The following IGF1 variants were observed in gnomAD, a reference collection of about 807,000 sequenced individuals.
IGF1 encodes insulin-like growth factor 1.
A neutral mutation model predicts 13.8 loss-of-function variants in IGF1; 4 were observed. That is an observed-to-expected ratio of 0.29 (90% CI 0.14 to 0.66). The LOEUF is 0.66. Ranked by LOEUF, IGF1 falls within the 30% of genes least tolerant of loss-of-function variation. The pLI is 0.78. For missense variants in IGF1, 124 were observed against 188.5 expected (o/e 0.66, Z 2.00); for synonymous variants, 76 against 72.6 (o/e 1.05, Z -0.23).
At chr12:102,450,786 A>G (rs1302096868) in intron 2 of IGF1, among the ~76,000 whole-genome samples, 1 of 152,188 alleles carries the variant, frequency 6.6e-6, no homozygotes, top group Non-Finnish European at 1.5e-5. Flanking sequence ...ATTCTTTCCA[A>G]TTTGAATAAG....
chr12:102,475,072 G>A (rs879831529), intron 2 of IGF1, among the ~76,000 whole-genome samples: 14 of 152,174 alleles, frequency 9.2e-5, no homozygotes, highest in Non-Finnish European at 7.4e-5. Flanking sequence ...TGGCATTTCA[G>A]TTTGCATTTA....
At chr12:102,402,952 T>A (rs1395919690) in intron 3 of IGF1, among the ~76,000 whole-genome samples, 4 of 152,254 alleles carry the variant, frequency 2.6e-5, no homozygotes, top group Non-Finnish European at 5.9e-5. Flanking sequence ...TCATCCTCTG[T>A]TGTTTTATTG....
chr12:102,461,642 T>G (rs1879904384), intron 2 of IGF1, among the ~76,000 whole-genome samples: 1 of 152,164 alleles, frequency 6.6e-6, no homozygotes, highest in Non-Finnish European at 1.5e-5. Context: ...TCTTAAGGAC[T>G]GGGGCTCAGT....
chr12:102,466,319 C>T (rs1234994106), intron 2 of IGF1, among the ~76,000 whole-genome samples: 1 of 152,148 alleles, frequency 6.6e-6, no homozygotes, highest in African/African-American at 2.4e-5. Flanking sequence ...TGCCTCTCTT[C>T]TGGAGACTTG....
At chr12:102,480,746 G>T, upstream of IGF1, 1 of 431,128 alleles carries the variant, frequency 2.3e-6, no homozygotes. Context: ...GAGCACAGAA[G>T]CATTTTTTTC....
chr12:102,463,909 T>A (rs1229744082), intron 2 of IGF1, among the ~76,000 whole-genome samples: 2 of 152,246 alleles, frequency 1.3e-5, no homozygotes, highest in Non-Finnish European at 2.9e-5. Context: ...TTCTGGACCT[T>A]GGTCCTTTCA....
At position 102,417,976 on chromosome 12, in the gene IGF1, T is replaced by C. The variant is rs1463044299; in HGVS notation, c.402+1533A>G. On this transcript the variant is annotated intron_variant, in intron 3 of 3. Transcript: ENST00000337514. ...CAACCTTTCCTTCTCTGAGACTTCG[T>C]GTTCTTGTTGGTAGATGGGGGCTGA... The C allele has an allele frequency of 3.1e-6, 5 of 1,612,964 alleles. No homozygotes were observed. In the East Asian group the frequency reaches 6.7e-5, roughly 22 times the overall value.
chr12:102,476,627 T>C (rs1881067155), intron 1 of IGF1, among the ~76,000 whole-genome samples: 1 of 152,200 alleles, frequency 6.6e-6, no homozygotes, highest in Admixed American at 6.5e-5. Flanking sequence ...ATCCCTTCTG[T>C]GTATAGGGCA....
At chr12:102,480,837 C>T (rs1881351883), upstream of IGF1, among the ~76,000 whole-genome samples, 1 of 152,164 alleles carries the variant, frequency 6.6e-6, no homozygotes, top group South Asian at 2.1e-4. Context: ...GATCTGTTTT[C>T]TGATTAACTT....
chr12:102,417,925 G>T (rs758224738), intron 3 of IGF1: 2 of 1,613,272 alleles, frequency 1.2e-6, no homozygotes, highest in African/African-American at 2.7e-5. Context: ...CCCTCCTTCT[G>T]TTCCCCTCCT....
At chr12:102,470,947 A>G (rs1426804009) in intron 2 of IGF1, among the ~76,000 whole-genome samples, 1 of 152,238 alleles carries the variant, frequency 6.6e-6, no homozygotes, top group East Asian at 1.9e-4. Context: ...GAGAGAATGT[A>G]AAGATGAGAA....
At chr12:102,444,193 G>A (rs1344217282) in intron 2 of IGF1, among the ~76,000 whole-genome samples, 3 of 151,950 alleles carry the variant, frequency 2.0e-5, no homozygotes, top group Non-Finnish European at 4.4e-5. Context: ...AGAGGGAGGG[G>A]GCAGAGTGAG....
chr12:102,445,916 T>A (rs180814489), intron 2 of IGF1, among the ~76,000 whole-genome samples: 53 of 152,294 alleles, frequency 3.5e-4, no homozygotes, highest in Non-Finnish European at 4.3e-4. Context: ...CATCAATACC[T>A]AGTTTATTGA....
At chr12:102,460,531 T>G (rs1353555145) in intron 2 of IGF1, among the ~76,000 whole-genome samples, 1 of 152,194 alleles carries the variant, frequency 6.6e-6, no homozygotes, top group Non-Finnish European at 1.5e-5. Context: ...CAGCTGATGA[T>G]TCTACAATTA....
chr12:102,446,559 C>T (rs987513340), intron 2 of IGF1, among the ~76,000 whole-genome samples: 1 of 152,048 alleles, frequency 6.6e-6, no homozygotes, highest in Admixed American at 6.6e-5. Flanking sequence ...TCTGTGGGAT[C>T]GGTGGTGATA....
chr12:102,473,787 A>G (rs1025397311), intron 2 of IGF1, among the ~76,000 whole-genome samples: 1 of 152,254 alleles, frequency 6.6e-6, no homozygotes, highest in Non-Finnish European at 1.5e-5. Flanking sequence ...GTTGTCCAAT[A>G]TCCTTAAGTG....
intron 2 of IGF1, among the ~76,000 whole-genome samples, chr12:102,447,811 T>C (rs1348670401): frequency 2.0e-5 from 3 of 152,072 alleles, no homozygotes; most frequent in African/African-American, 7.2e-5. Flanking sequence ...CCTAAAACCA[T>C]AAAAACTCTA....
At chr12:102,446,402 C>T (rs1176264088) in intron 2 of IGF1, among the ~76,000 whole-genome samples, 1 of 152,046 alleles carries the variant, frequency 6.6e-6, no homozygotes, top group East Asian at 1.9e-4. Context: ...AATTTCAGAA[C>T]TTGTTATTGG....
At chr12:102,464,436 C>T (rs1056382532) in intron 2 of IGF1, among the ~76,000 whole-genome samples, 1 of 148,094 alleles carries the variant, frequency 6.8e-6, no homozygotes, top group Non-Finnish European at 1.5e-5. Flanking sequence ...AATATCAAAT[C>T]AAGAAATTTT....
Sources: allele counts gnomAD v4.1 joint callset (sites outside exome capture counted in the v4.1 genomes callset), GRCh38; gene constraint gnomAD v4.1.1; transcripts MANE v1.5; gene names NCBI Gene and HGNC (gene_info 2026-07-23, HGNC 2026-07-21).